SMIM35: variants seen among roughly 807,000 people sequenced by gnomAD.
The protein encoded by SMIM35 is small integral membrane protein 35.
intron 1 of SMIM35, among the ~76,000 whole-genome samples, chr11:118,051,421 G>T (rs572157947): frequency 2.4e-4 from 37 of 152,354 alleles, no homozygotes; most frequent in Middle Eastern, 3.4e-3. Flanking sequence ...AACACAGCTG[G>T]ATGCTCGGTT....
Position 118,030,582 on chromosome 11 carries a change from C to T in SMIM35, c.8-14773G>A, listed in dbSNP as rs542167588. Among the ~76,000 whole-genome samples, 17 of 152,166 alleles carry T rather than the reference C, an allele frequency of 1.1e-4. No homozygotes were observed. The South Asian group carries it at 3.3e-3, about 30-fold the overall frequency. ...GGTGGTGGAGTGGCACTATGGTGGTCCTGAGCAGCGTGAAGCGGGGTCCAT... is the reference window on the plus strand; with the variant it reads ...GGTGGTGGAGTGGCACTATGGTGGTTCTGAGCAGCGTGAAGCGGGGTCCAT... On this transcript the variant is annotated intron_variant, in intron 1 of 4. Transcript: ENST00000689828.
intron 1 of SMIM35, among the ~76,000 whole-genome samples, chr11:118,067,906 T>TATATATATATA (rs1944507508): frequency 8.2e-6 from 1 of 121,696 alleles, no homozygotes; most frequent in Non-Finnish European, 1.7e-5. Context: ...TATATATATA[T>TATATATATATA]GAAAAGTTTA....
At chr11:118,038,091 G>A (rs1476037864) in intron 1 of SMIM35, among the ~76,000 whole-genome samples, 1 of 152,178 alleles carries the variant, frequency 6.6e-6, no homozygotes. Context: ...GCTCAGACCT[G>A]TAGGGCAGCT....
intron 1 of SMIM35, among the ~76,000 whole-genome samples, chr11:118,037,788 G>A (rs149539291): frequency 0.012 from 1,798 of 152,262 alleles, 16 homozygotes; most frequent in Non-Finnish European, 0.019. Context: ...AGTCCGCCTA[G>A]TACTCCTGCT....
intron 1 of SMIM35, among the ~76,000 whole-genome samples, chr11:118,073,061 G>T (rs1033463737): frequency 5.9e-5 from 9 of 152,202 alleles, no homozygotes; most frequent in African/African-American, 2.2e-4. Flanking sequence ...GGGATTACAG[G>T]CACCCTCCAC....
At chr11:118,014,553 C>T (rs2058168699) in intron 3 of SMIM35, among the ~76,000 whole-genome samples, 155 bp downstream of exon 3, 1 of 152,110 alleles carries the variant, frequency 6.6e-6, no homozygotes, top group African/African-American at 2.4e-5. Flanking sequence ...TGGGACTTTT[C>T]TAAATGGATT....
At chr11:118,083,635 T>C (rs625404) in intron 1 of SMIM35, among the ~76,000 whole-genome samples, 9,950 of 152,268 alleles carry the variant, frequency 0.065, 388 homozygotes, top group East Asian at 0.1. Flanking sequence ...ATAAAAATAA[T>C]AGAATATACT....
intron 1 of SMIM35, among the ~76,000 whole-genome samples, chr11:118,063,666 T>G (rs1007607742): frequency 9.9e-5 from 15 of 152,038 alleles, no homozygotes; most frequent in African/African-American, 3.6e-4. Flanking sequence ...CCCCTAAACT[T>G]AGGGGAGGGG....
intron 1 of SMIM35, among the ~76,000 whole-genome samples, chr11:118,047,698 A>G (rs1482692534): frequency 6.6e-6 from 1 of 152,242 alleles, no homozygotes; most frequent in African/African-American, 2.4e-5. Flanking sequence ...AGAGAAGCAA[A>G]TAAGTTATTT....
intron 1 of SMIM35, chr11:118,029,622 C>T (rs2058301771): frequency 2.2e-6 from 1 of 456,896 alleles, no homozygotes; most frequent in African/African-American, 2.0e-5. Flanking sequence ...TCAGCATCAC[C>T]CAGTGTTTCT....
chr11:118,036,359 A>C (rs2058359402), intron 1 of SMIM35, among the ~76,000 whole-genome samples: 1 of 152,218 alleles, frequency 6.6e-6, no homozygotes, highest in Non-Finnish European at 1.5e-5. Flanking sequence ...CAGTTTGTTA[A>C]ACTTTTAATT....
intron 1 of SMIM35, among the ~76,000 whole-genome samples, chr11:118,039,086 C>T (rs985833723): frequency 6.6e-6 from 1 of 152,100 alleles, no homozygotes; most frequent in African/African-American, 2.4e-5. Context: ...AGTATTGAAG[C>T]AGTATAACGT....
rs115773699 is a variant in SMIM35, at chr11:118,055,567, G to T, written c.7+31184C>A. ...CTTCTCCTGGGGTCCCCCACTACTT[G>T]TTAAATATGTCTAGTCATTTCCCTT... On this transcript the variant is annotated intron_variant, in intron 1 of 4. Coordinates refer to ENST00000689828, the MANE Select transcript of SMIM35 (RefSeq NM_001394165.1). Among the ~76,000 whole-genome samples the T allele has an allele frequency of 1.0e-3, 158 of 152,250 alleles. 1 individual carries two copies. The highest frequency in any genetic ancestry group is 3.6e-3 in the African/African-American group (150 of 41,534).
At chr11:118,065,560 G>T (rs773563034) in intron 1 of SMIM35, among the ~76,000 whole-genome samples, 1 of 152,122 alleles carries the variant, frequency 6.6e-6, no homozygotes, top group Non-Finnish European at 1.5e-5. Flanking sequence ...TTCCACAGGC[G>T]AATCAGACAT....
In SMIM35 at chr11:118,028,136, G is replaced by GT. The variant is rs541562729; in HGVS notation, c.8-12328dup. ...CAGGATCAACATATATTCAGAGGTC[G>GT]TAACTATGGCCCTTCTATTCCATTG... On this transcript the variant is annotated intron_variant, in intron 1 of 4. Transcript: ENST00000689828. Among the ~76,000 whole-genome samples, 26 of 152,250 alleles carry GT rather than the reference G, an allele frequency of 1.7e-4. No homozygotes were observed. The South Asian group carries it at 5.2e-3, about 30-fold the overall frequency.
chr11:118,031,573 T>C (rs2058319976), intron 1 of SMIM35, among the ~76,000 whole-genome samples: 1 of 152,054 alleles, frequency 6.6e-6, no homozygotes, highest in Admixed American at 6.6e-5. Flanking sequence ...AGTATCAAAA[T>C]AAGTGATGGC....
intron 1 of SMIM35, among the ~76,000 whole-genome samples, chr11:118,059,699 A>G (rs1367928902): frequency 6.6e-6 from 1 of 152,010 alleles, no homozygotes; most frequent in Non-Finnish European, 1.5e-5. Flanking sequence ...ACATAGCTCT[A>G]CCTCCATTCA....
chr11:118,055,545 C>T (rs1313648886), intron 1 of SMIM35, among the ~76,000 whole-genome samples: 1 of 152,178 alleles, frequency 6.6e-6, no homozygotes, highest in East Asian at 1.9e-4. Context: ...GGCATGTCTT[C>T]TCCTGGGGTC....
At chr11:118,029,860 G>A (rs1450190427) in intron 1 of SMIM35, 2 of 452,230 alleles carry the variant, frequency 4.4e-6, no homozygotes, top group Non-Finnish European at 8.9e-6. Flanking sequence ...TCTGCCTCCT[G>A]CATTGCTACC....
Sources: gnomAD v4.1 joint callset for allele counts (sites outside exome capture counted in the v4.1 genomes callset) on GRCh38, gnomAD v4.1.1 for gene constraint, MANE v1.5 for transcripts, NCBI Gene and HGNC (gene_info 2026-07-23, HGNC 2026-07-21) for gene names.